The following SUGCT variants were observed in gnomAD, a reference collection of about 807,000 sequenced individuals.
SUGCT encodes the protein succinyl-CoA:glutarate-CoA transferase, also known as succinyl-CoA:glutarate CoA-transferase.
A neutral mutation model predicts 55.0 loss-of-function variants in SUGCT; 41 were observed. That is an observed-to-expected ratio of 0.74 (90% confidence interval 0.58 to 0.97). The LOEUF (loss-of-function observed/expected upper bound fraction) is 0.97, where lower values mean the gene tolerates loss of function less well. SUGCT is among the 50% of genes least tolerant of loss of function. The pLI, the probability that SUGCT is intolerant of heterozygous loss-of-function variation, is 0.00. For missense variants in SUGCT, 568 were observed against 547.8 expected (o/e 1.04, Z -0.37); for synonymous variants, 187 against 200.4 (o/e 0.93, Z 0.56).
At chr7:40,216,029 G>A (rs185963752) in intron 6 of SUGCT, among the ~76,000 whole-genome samples, 258 of 151,622 alleles carry the variant, frequency 1.7e-3, no homozygotes, top group Non-Finnish European at 2.8e-3. Context: ...GTAAATATTT[G>A]AGCTATTATT....
At chr7:40,661,054 C>T (rs1801278566) in intron 12 of SUGCT, among the ~76,000 whole-genome samples, 1 of 152,122 alleles carries the variant, frequency 6.6e-6, no homozygotes, top group African/African-American at 2.4e-5. Context: ...ACTCACTGGA[C>T]TCGTTACAAA....
chr7:40,542,944 A>G (rs1459820553), intron 12 of SUGCT, among the ~76,000 whole-genome samples: 2 of 152,214 alleles, frequency 1.3e-5, no homozygotes, highest in Non-Finnish European at 2.9e-5. Context: ...TTTCTGGTCA[A>G]TGTAGGAATA....
chr7:40,911,124 T>C, the SUGCT span, among the ~76,000 whole-genome samples: 3 of 152,154 alleles, frequency 2.0e-5, no homozygotes, highest in African/African-American at 7.2e-5. Flanking sequence ...TGAATGCTTA[T>C]CCCAAAGTAG....
At chr7:40,912,595 T>C in the SUGCT span, among the ~76,000 whole-genome samples, 6 of 152,300 alleles carry the variant, frequency 3.9e-5, no homozygotes, top group African/African-American at 9.6e-5. Context: ...CATTAACTTA[T>C]CCTGTGTATT....
the SUGCT span, among the ~76,000 whole-genome samples, chr7:41,013,390 A>T: frequency 6.6e-6 from 1 of 152,312 alleles, no homozygotes; most frequent in African/African-American, 2.4e-5. Context: ...ACAAAAAACA[A>T]TTTGGCTGAA....
chr7:40,388,126 AT>A (rs1191166849), intron 9 of SUGCT: 1 of 152,212 alleles, frequency 6.6e-6, no homozygotes, highest in Non-Finnish European at 1.5e-5. Flanking sequence ...TAGAGATCTA[AT>A]AAACATTACC....
At chr7:40,784,748 G>T (rs1455211000) in intron 13 of SUGCT, among the ~76,000 whole-genome samples, 2 of 152,180 alleles carry the variant, frequency 1.3e-5, no homozygotes, top group Non-Finnish European at 2.9e-5. Flanking sequence ...ACTGGAAAGA[G>T]AAAATACTGA....
chr7:40,381,118 A>C (rs2151281649), intron 9 of SUGCT, among the ~76,000 whole-genome samples: 1 of 152,198 alleles, frequency 6.6e-6, no homozygotes, highest in East Asian at 1.9e-4. Flanking sequence ...ATTTTGTTTT[A>C]TCTCTTTAGA....
rs1208036051 is a variant in SUGCT, at chr7:40,367,449, AG to A, written c.816+50595del. On this transcript the variant is annotated intron_variant, in intron 9 of 13. Coordinates refer to ENST00000335693, the MANE Select transcript of SUGCT (RefSeq NM_001193313.2). ...AAATAAATAAATAAATAAATTACCCAGAAAAAAAAAATAAAATAAAATGGCT... is the reference window on the plus strand; with the variant it reads ...AAATAAATAAATAAATAAATTACCCAAAAAAAAAAATAAAATAAAATGGCT... Among the ~76,000 whole-genome samples, 6 of 91,966 alleles carry A rather than the reference AG, an allele frequency of 6.5e-5. No individual in the cohort carries two copies. In the South Asian group the frequency reaches 2.7e-3, roughly 41 times the overall value. The allele number at this position is 91,966 out of a possible 152,430, so 60.3% of individuals were successfully genotyped here. A position where few individuals can be genotyped will look rare whatever the true frequency, so the allele number is the denominator to read the frequency against.
At chr7:40,653,482 G>A (rs1006713272) in intron 12 of SUGCT, among the ~76,000 whole-genome samples, 2 of 152,188 alleles carry the variant, frequency 1.3e-5, no homozygotes, top group Non-Finnish European at 2.9e-5. Context: ...CTCTGTGACA[G>A]TTGTATACAT....
At chr7:41,031,256 T>G in the SUGCT span, among the ~76,000 whole-genome samples, 1 of 152,222 alleles carries the variant, frequency 6.6e-6, no homozygotes, top group East Asian at 1.9e-4. Context: ...GGCAGTTCAC[T>G]GAAACCTGAA....
At chr7:40,145,461 C>A (rs1788194234) in intron 1 of SUGCT, among the ~76,000 whole-genome samples, 1 of 151,570 alleles carries the variant, frequency 6.6e-6, no homozygotes, top group African/African-American at 2.4e-5. Flanking sequence ...TATTTTAGGA[C>A]AAGAATTTAC....
intron 13 of SUGCT, among the ~76,000 whole-genome samples, chr7:40,827,219 G>T (rs960267806): frequency 6.6e-6 from 1 of 152,124 alleles, no homozygotes; most frequent in Admixed American, 6.6e-5. Flanking sequence ...CAGACCGCTG[G>T]GTCAAATGAA....
rs557192230 is a variant in SUGCT at position 40,638,551 on chromosome 7, G to C, written c.1090-110883G>C. On this transcript the variant is annotated intron_variant, in intron 12 of 13. Transcript: ENST00000335693. The stretch of plus-strand genomic sequence containing the variant: ...TTCCAAGGTGTTAAAAGCTTGATTA[G>C]GGTGCTGCCAGAAACATTCTGACTT... 4.6e-5 allele frequency among the ~76,000 whole-genome samples: 7 copies of C among 152,328 alleles called. No individual in the cohort carries two copies. In the East Asian group the frequency reaches 1.3e-3, roughly 29 times the overall value.
chr7:40,439,026 A>C (rs1343939296), intron 9 of SUGCT, among the ~76,000 whole-genome samples: 2 of 141,086 alleles, frequency 1.4e-5, no homozygotes, highest in Non-Finnish European at 3.0e-5. Context: ...GTGTGTGTAT[A>C]TATAATATGG....
the SUGCT span, among the ~76,000 whole-genome samples, chr7:40,959,241 T>C: frequency 6.6e-6 from 1 of 152,192 alleles, no homozygotes; most frequent in Non-Finnish European, 1.5e-5. Flanking sequence ...TGCCAGAACA[T>C]TTAAGTCTGC....
chr7:40,903,716 A>G, the SUGCT span, among the ~76,000 whole-genome samples: 338 of 152,310 alleles, frequency 2.2e-3, 2 homozygotes, highest in African/African-American at 7.6e-3. Context: ...TGGGCTTTCA[A>G]TGGGACCTGT....
intron 12 of SUGCT, among the ~76,000 whole-genome samples, chr7:40,526,817 C>A (rs1793821617): frequency 6.6e-6 from 1 of 152,180 alleles, no homozygotes; most frequent in Admixed American, 6.5e-5. Flanking sequence ...AAGTATACCA[C>A]TGTTAGTGCT....
At chr7:40,912,700 A>G in the SUGCT span, among the ~76,000 whole-genome samples, 1 of 150,888 alleles carries the variant, frequency 6.6e-6, no homozygotes, top group African/African-American at 2.4e-5. Flanking sequence ...ATTAAAAACA[A>G]TTGCTTCATT....
Sources: gnomAD v4.1 joint callset for allele counts (sites outside exome capture counted in the v4.1 genomes callset) on GRCh38, gnomAD v4.1.1 for gene constraint, MANE v1.5 for transcripts, NCBI Gene and HGNC (gene_info 2026-07-23, HGNC 2026-07-21) for gene names.